PHF24: variants seen among roughly 807,000 people sequenced by gnomAD.
PHF24 encodes PHD finger protein 24.
Under a neutral mutation model 42.6 loss-of-function variants are expected in PHF24, and 25 were observed. The ratio of observed to expected loss-of-function variants is 0.59; its 90% CI spans 0.43 to 0.82. The LOEUF is 0.82. Ranked by LOEUF, PHF24 falls within the 40% of genes least tolerant of loss-of-function variation. PHF24 has a pLI of 0.00. For missense variants in PHF24, 470 were observed against 538.1 expected (o/e 0.87, Z 1.25); for synonymous variants, 185 against 204.8 (o/e 0.90, Z 0.83).
chr9:34,732,784 A>G, the PHF24 span, among the ~76,000 whole-genome samples: 2 of 152,106 alleles, frequency 1.3e-5, no homozygotes, highest in Non-Finnish European at 2.9e-5. Flanking sequence ...AAATTGATAT[A>G]TTTTCTTCAT....
the PHF24 span, among the ~76,000 whole-genome samples, chr9:34,897,125 C>T: frequency 2.6e-5 from 4 of 152,170 alleles, no homozygotes; most frequent in Admixed American, 2.6e-4. Flanking sequence ...CACTGCACTC[C>T]AGCCTGGGTG....
the PHF24 span, among the ~76,000 whole-genome samples, chr9:34,909,335 A>G: frequency 6.6e-6 from 1 of 152,134 alleles, no homozygotes; most frequent in African/African-American, 2.4e-5. Flanking sequence ...TGGGAGGTTT[A>G]GCTAGCCTGT....
At chr9:34,903,988 C>G in the PHF24 span, among the ~76,000 whole-genome samples, 2 of 152,062 alleles carry the variant, frequency 1.3e-5, no homozygotes, top group Admixed American at 6.6e-5. Context: ...CGCTTGGTCA[C>G]TGTTGGTGTA....
the PHF24 span, chr9:34,838,407 C>A: frequency 4.0e-6 from 5 of 1,236,248 alleles, no homozygotes; most frequent in Non-Finnish European, 5.8e-6. Context: ...TTTTCACTTG[C>A]CAGATAATTA....
chr9:34,752,582 G>A, the PHF24 span, among the ~76,000 whole-genome samples: 25 of 152,154 alleles, frequency 1.6e-4, no homozygotes, highest in East Asian at 3.9e-4. Flanking sequence ...ACCTGATAGC[G>A]TCACTGCTGA....
At chr9:34,745,273 A>G in the PHF24 span, among the ~76,000 whole-genome samples, 2 of 152,186 alleles carry the variant, frequency 1.3e-5, no homozygotes, top group South Asian at 4.1e-4. Context: ...TCTTGGATCC[A>G]CAGCTATACT....
the PHF24 span, among the ~76,000 whole-genome samples, chr9:34,775,106 AT>A: frequency 6.6e-6 from 1 of 152,228 alleles, no homozygotes. Flanking sequence ...TCGTACATCC[AT>A]TTGTAACAGT....
chr9:34,836,742 G>A, the PHF24 span, among the ~76,000 whole-genome samples: 1 of 152,294 alleles, frequency 6.6e-6, no homozygotes, highest in African/African-American at 2.4e-5. Flanking sequence ...TGACATGGGT[G>A]ACTTTCTCAT....
At chr9:34,814,328 G>T in the PHF24 span, among the ~76,000 whole-genome samples, 1 of 152,042 alleles carries the variant, frequency 6.6e-6, no homozygotes, top group South Asian at 2.1e-4. Context: ...AACCTGTCCT[G>T]GGCCATACTA....
At chr9:34,670,848 C>T in the PHF24 span, among the ~76,000 whole-genome samples, 1 of 152,136 alleles carries the variant, frequency 6.6e-6, no homozygotes, top group Admixed American at 6.5e-5. Flanking sequence ...TAGCCACCCA[C>T]TAGATTCCCT....
the PHF24 span, among the ~76,000 whole-genome samples, chr9:34,673,518 T>G: frequency 1.3e-5 from 2 of 150,530 alleles, no homozygotes; most frequent in Non-Finnish European, 3.0e-5. Context: ...TTGCCTAGTC[T>G]GGAGTGCAGA....
At chr9:34,733,462 A>G in the PHF24 span, among the ~76,000 whole-genome samples, 1 of 151,148 alleles carries the variant, frequency 6.6e-6, no homozygotes, top group Non-Finnish European at 1.5e-5. Flanking sequence ...GATTTTATGT[A>G]GTTGAATTTA....
At chr9:34,791,473 G>T in the PHF24 span, among the ~76,000 whole-genome samples, 1 of 151,868 alleles carries the variant, frequency 6.6e-6, no homozygotes, top group Non-Finnish European at 1.5e-5. Context: ...TATTACTATT[G>T]AATACAAAGC....
the PHF24 span, among the ~76,000 whole-genome samples, chr9:34,683,419 C>T: frequency 6.6e-6 from 1 of 152,202 alleles, no homozygotes; most frequent in Non-Finnish European, 1.5e-5. Context: ...TTCTTGAACT[C>T]CTTGGAGATC....
the PHF24 span, among the ~76,000 whole-genome samples, chr9:34,864,353 T>A: frequency 3.6e-4 from 55 of 152,272 alleles, no homozygotes; most frequent in Non-Finnish European, 5.4e-4. Context: ...AGGCATCTAA[T>A]GAACTCCCAA....
At chr9:34,799,118 C>T in the PHF24 span, among the ~76,000 whole-genome samples, 1 of 151,740 alleles carries the variant, frequency 6.6e-6, no homozygotes, top group South Asian at 2.1e-4. Flanking sequence ...CTTTGTAAGA[C>T]ATACTTTAAA....
the PHF24 span, among the ~76,000 whole-genome samples, chr9:34,916,086 C>T: frequency 4.0e-4 from 61 of 152,262 alleles, no homozygotes; most frequent in Non-Finnish European, 6.3e-4. Flanking sequence ...CAAGGCCTCC[C>T]CAGCCATGTA....
the PHF24 span, among the ~76,000 whole-genome samples, chr9:34,684,139 G>A: frequency 6.6e-6 from 1 of 152,188 alleles, no homozygotes; most frequent in Non-Finnish European, 1.5e-5. Context: ...CCACACTTTT[G>A]TTTATTTGCC....
chr9:34,864,926 C>T, the PHF24 span, among the ~76,000 whole-genome samples: 1 of 151,772 alleles, frequency 6.6e-6, no homozygotes, highest in South Asian at 2.1e-4. Context: ...CCTGTAATCC[C>T]AGCACTTTGG....
Sources: gnomAD v4.1 joint callset for allele counts (sites outside exome capture counted in the v4.1 genomes callset) on GRCh38, gnomAD v4.1.1 for gene constraint, MANE v1.5 for transcripts, NCBI Gene and HGNC (gene_info 2026-07-23, HGNC 2026-07-21) for gene names.